Variants in TRHDE observed in about 807,000 individuals in gnomAD.
TRHDE encodes the protein thyrotropin-releasing hormone-degrading ectoenzyme.
In TRHDE, 72 loss-of-function variants were observed where a neutral mutation model predicts 125.7. The observed-to-expected ratio is 0.57, with a 90% CI of 0.47 to 0.70. The LOEUF is 0.70. Ranked by LOEUF, TRHDE falls within the 30% of genes least tolerant of loss-of-function variation. TRHDE has a pLI of 0.00. For missense variants in TRHDE, 1,110 were observed against 1,327.1 expected (o/e 0.84, Z 2.54); for synonymous variants, 509 against 509.1 (o/e 1.00, Z 0.00).
At chr12:72,224,142 T>TATC (rs1565666700) in intron 2 of TRHDE, among the ~76,000 whole-genome samples, 38 of 32,650 alleles carry the variant, frequency 1.2e-3, no homozygotes, top group East Asian at 4.6e-3. Context: ...ATCTATCTAT[T>TATC]TATCTATGTA....
intron 2 of TRHDE, among the ~76,000 whole-genome samples, chr12:72,305,418 A>G (rs17110986): frequency 0.024 from 3,654 of 152,316 alleles, 160 homozygotes; most frequent in African/African-American, 0.084. Context: ...TCATGGTATG[A>G]CTTCTGCAAA....
intron 2 of TRHDE, among the ~76,000 whole-genome samples, chr12:72,355,974 G>GT (rs1870798246): frequency 6.6e-6 from 1 of 151,662 alleles, no homozygotes; most frequent in Non-Finnish European, 1.5e-5. Flanking sequence ...GTAGAAAGCA[G>GT]TGTGGCAGTT....
At chr12:72,099,236 A>G (rs1036308378) in intron 1 of TRHDE, among the ~76,000 whole-genome samples, 8 of 152,200 alleles carry the variant, frequency 5.3e-5, no homozygotes, top group Non-Finnish European at 7.3e-5. Context: ...TTCCATTTGT[A>G]TATATCCAAA....
chr12:72,126,154 AG>A (rs1234302659), intron 2 of TRHDE, among the ~76,000 whole-genome samples: 1 of 152,190 alleles, frequency 6.6e-6, no homozygotes, highest in African/African-American at 2.4e-5. Context: ...CATCTAACCA[AG>A]GAGGTGAAAG....
At chr12:72,153,934 C>A (rs892089227) in intron 2 of TRHDE, among the ~76,000 whole-genome samples, 5 of 152,168 alleles carry the variant, frequency 3.3e-5, no homozygotes, top group African/African-American at 1.2e-4. Context: ...GAGCTGAGTT[C>A]AGTTCCTGGA....
intron 6 of TRHDE, among the ~76,000 whole-genome samples, chr12:72,515,606 T>G (rs1482166328): frequency 2.0e-5 from 3 of 152,076 alleles, no homozygotes; most frequent in South Asian, 2.1e-4. Flanking sequence ...TTCACTCTGA[T>G]TGGTAGTTTC....
intron 2 of TRHDE, among the ~76,000 whole-genome samples, chr12:72,187,485 T>TCGTGGTGGG (rs1877248528): frequency 7.5e-6 from 1 of 134,042 alleles, no homozygotes; most frequent in Non-Finnish European, 1.6e-5. Context: ...GTCGTGGTGG[T>TCGTGGTGGG]GGTGGTGGTG....
At chr12:72,541,602 C>T (rs1436103622) in intron 6 of TRHDE, among the ~76,000 whole-genome samples, 1 of 151,430 alleles carries the variant, frequency 6.6e-6, no homozygotes, top group Non-Finnish European at 1.5e-5. Flanking sequence ...TGGTAGCTAA[C>T]ACTCCTATAT....
chr12:72,238,274 TA>T (rs1395516553), intron 2 of TRHDE, among the ~76,000 whole-genome samples: 2 of 56,328 alleles, frequency 3.6e-5, no homozygotes, highest in Admixed American at 2.8e-4. Flanking sequence ...GTCAGATCCT[TA>T]ATATATATAT....
At chr12:72,168,826 G>C (rs915536559) in intron 2 of TRHDE, among the ~76,000 whole-genome samples, 9 of 152,086 alleles carry the variant, frequency 5.9e-5, no homozygotes, top group Non-Finnish European at 1.0e-4. Flanking sequence ...TGTAGACAAT[G>C]TTTCTCAAAT....
chr12:72,525,365 C>T (rs187916176), intron 6 of TRHDE, among the ~76,000 whole-genome samples: 1 of 151,690 alleles, frequency 6.6e-6, no homozygotes, highest in Admixed American at 6.6e-5. Context: ...AATTTTTTCC[C>T]AAGGTTTATC....
intron 1 of TRHDE, among the ~76,000 whole-genome samples, chr12:72,091,182 T>G (rs1241190015): frequency 2.6e-5 from 4 of 152,132 alleles, no homozygotes; most frequent in African/African-American, 9.7e-5. Flanking sequence ...CCGAATTTAT[T>G]AGTCATCAAA....
At chr12:72,611,387 T>A (rs1343538297) in intron 12 of TRHDE, 1 of 152,382 alleles carries the variant, frequency 6.6e-6, no homozygotes, top group Non-Finnish European at 1.5e-5. Flanking sequence ...AGAACTTTTT[T>A]TATTTTTTCC....
At chr12:72,546,705 A>G (rs1869437801) in intron 7 of TRHDE, among the ~76,000 whole-genome samples, 1 of 151,632 alleles carries the variant, frequency 6.6e-6, no homozygotes, top group Non-Finnish European at 1.5e-5. Context: ...GGATATAGTC[A>G]TTTTCTAAAA....
At chr12:72,649,102 A>C (rs1874399941) in intron 15 of TRHDE, among the ~76,000 whole-genome samples, 2 of 152,100 alleles carry the variant, frequency 1.3e-5, no homozygotes, top group Admixed American at 1.3e-4. Context: ...GAGAAAGGAG[A>C]ACAATGCTAG....
intron 3 of TRHDE, among the ~76,000 whole-genome samples, chr12:72,445,975 C>T (rs1875257307): frequency 6.6e-6 from 1 of 151,714 alleles, no homozygotes; most frequent in African/African-American, 2.4e-5. Flanking sequence ...CATTTATTTA[C>T]AGGTCTCTAC....
intron 6 of TRHDE, among the ~76,000 whole-genome samples, chr12:72,541,110 C>T (rs979632430): frequency 4.0e-5 from 6 of 151,418 alleles, no homozygotes; most frequent in Non-Finnish European, 4.4e-5. Context: ...GTGATTCTTA[C>T]GATTTTCTTG....
At chr12:72,300,041 A>C (rs1360555139) in intron 2 of TRHDE, among the ~76,000 whole-genome samples, 1 of 152,102 alleles carries the variant, frequency 6.6e-6, no homozygotes, top group East Asian at 1.9e-4. Context: ...TAGAGTAAGA[A>C]ACACCTTTTT....
chr12:72,492,676 T>C (rs1294945774), intron 5 of TRHDE, among the ~76,000 whole-genome samples: 1 of 151,946 alleles, frequency 6.6e-6, no homozygotes, highest in Non-Finnish European at 1.5e-5. Flanking sequence ...AATTATGTGT[T>C]TATCCTTCAT....
Sources: allele counts gnomAD v4.1 joint callset (sites outside exome capture counted in the v4.1 genomes callset), GRCh38; gene constraint gnomAD v4.1.1; transcripts MANE v1.5; gene names NCBI Gene and HGNC (gene_info 2026-07-23, HGNC 2026-07-21).